CWC27: variants seen among roughly 807,000 people sequenced by gnomAD.
CWC27 encodes spliceosome-associated protein CWC27 homolog.
In CWC27, 47 loss-of-function variants were observed where a neutral mutation model predicts 63.6. The ratio of observed to expected loss-of-function variants is 0.74; its 90% CI spans 0.58 to 0.94. The LOEUF is 0.94. Among genes scored for constraint, CWC27 ranks in the 40% least tolerant of loss-of-function variants. CWC27 has a pLI of 0.00. For missense variants in CWC27, 495 were observed against 554.3 expected (o/e 0.89, Z 1.07); for synonymous variants, 175 against 179.8 (o/e 0.97, Z 0.22).
chr5:64,778,943 C>T (rs1256804843), intron 2 of CWC27, among the ~76,000 whole-genome samples: 1 of 152,096 alleles, frequency 6.6e-6, no homozygotes, highest in Non-Finnish European at 1.5e-5. Flanking sequence ...TGTTAGAATA[C>T]AGATTATAAT....
At chr5:64,805,451 A>G (rs769735122) in intron 10 of CWC27, among the ~76,000 whole-genome samples, 16 of 151,040 alleles carry the variant, frequency 1.1e-4, no homozygotes, top group Non-Finnish European at 1.8e-4. Flanking sequence ...GAGTTGAAAA[A>G]CCTCTCATTC....
intron 10 of CWC27, among the ~76,000 whole-genome samples, chr5:64,837,407 G>A (rs1437352801): frequency 1.3e-5 from 2 of 151,850 alleles, no homozygotes; most frequent in Admixed American, 1.3e-4. Flanking sequence ...CAGACCTTTT[G>A]TAGACAGTTA....
intron 10 of CWC27, among the ~76,000 whole-genome samples, chr5:64,877,037 A>G (rs1746809451): frequency 1.3e-5 from 2 of 152,156 alleles, no homozygotes; most frequent in East Asian, 3.9e-4. Context: ...TGTATAGAAG[A>G]TATTCAGCTT....
At chr5:64,778,544 AGTTT>A (rs1743541625) in intron 2 of CWC27, among the ~76,000 whole-genome samples, 1 of 152,196 alleles carries the variant, frequency 6.6e-6, no homozygotes, top group Non-Finnish European at 1.5e-5. Flanking sequence ...TGAAGATATT[AGTTT>A]GACCTCACAT....
intron 13 of CWC27, among the ~76,000 whole-genome samples, chr5:65,012,369 A>G (rs1168944299): frequency 6.6e-6 from 1 of 152,192 alleles, no homozygotes; most frequent in Non-Finnish European, 1.5e-5. Context: ...CACCACATTC[A>G]GTTATTGTAA....
intron 10 of CWC27, among the ~76,000 whole-genome samples, chr5:64,812,753 G>A (rs1744913545): frequency 6.6e-6 from 1 of 152,204 alleles, no homozygotes; most frequent in Non-Finnish European, 1.5e-5. Context: ...GAAGTGGTAG[G>A]CTCCAGGAAC....
chr5:64,843,259 G>A lies in CWC27; in HGVS notation c.938+38873G>A, dbSNP rs779189510. Among the ~76,000 whole-genome samples the A allele has an allele frequency of 8.7e-4, 132 of 152,136 alleles. 1 individual carries two copies. Among genetic ancestry groups the A allele is most frequent in the Non-Finnish European group, 1.0e-3 (69 of 67,988 alleles). On this transcript the variant is annotated intron_variant, in intron 10 of 13. Transcript: ENST00000381070. ...TACCTCTACTGTTTTCATTTATTTTGTGACTCTGAAAAGCCCACTACCATA... is the reference window on the plus strand; with the variant it reads ...TACCTCTACTGTTTTCATTTATTTTATGACTCTGAAAAGCCCACTACCATA...
chr5:64,877,621 C>G (rs1020229737), intron 10 of CWC27, among the ~76,000 whole-genome samples: 3 of 151,976 alleles, frequency 2.0e-5, no homozygotes, highest in Non-Finnish European at 4.4e-5. Context: ...AATATCCTGA[C>G]TTTACCATTA....
chr5:64,918,324 G>C (rs1000425620), intron 11 of CWC27, among the ~76,000 whole-genome samples: 2 of 152,124 alleles, frequency 1.3e-5, no homozygotes, highest in African/African-American at 2.4e-5. Flanking sequence ...ATTTCAGTTA[G>C]AGAGGAGTAA....
At chr5:64,814,025 C>T (rs947763884) in intron 10 of CWC27, among the ~76,000 whole-genome samples, 2 of 151,962 alleles carry the variant, frequency 1.3e-5, no homozygotes, top group African/African-American at 4.8e-5. Context: ...GAATGCAGCC[C>T]ATCCTGGGCT....
chr5:64,894,471 C>T (rs1747319982), intron 11 of CWC27, among the ~76,000 whole-genome samples: 1 of 152,038 alleles, frequency 6.6e-6, no homozygotes, highest in Non-Finnish European at 1.5e-5. Flanking sequence ...CCCCCCTAGG[C>T]AAACTTAGAG....
chr5:64,786,999 C>G (rs1168002047), intron 6 of CWC27, among the ~76,000 whole-genome samples: 3 of 152,130 alleles, frequency 2.0e-5, no homozygotes, highest in African/African-American at 7.2e-5. Context: ...ACCTTCTTCA[C>G]AAGGCAGCAG....
rs572957867 is a variant in CWC27, at chr5:64,866,795, G to A, written c.939-18648G>A. Among the ~76,000 whole-genome samples the A allele has an allele frequency of 3.3e-5, 5 of 152,010 alleles. No individual in the cohort carries two copies. In the South Asian group the frequency reaches 6.2e-4, roughly 19 times the overall value. On this transcript the variant is annotated intron_variant, in intron 10 of 13. Coordinates refer to ENST00000381070, the MANE Select transcript of CWC27 (RefSeq NM_005869.4). ...ATTTCAATGCTTTAAATATATTGAG[G>A]CCCATTTTATGTGTTAGAATATTGT... is the stretch of plus-strand genomic sequence containing the variant.
chr5:64,991,067 T>C (rs1749528461), intron 13 of CWC27, among the ~76,000 whole-genome samples: 1 of 152,332 alleles, frequency 6.6e-6, no homozygotes, highest in South Asian at 2.1e-4. Context: ...AAGATATCAT[T>C]GTAAGGAAGA....
At chr5:65,002,634 T>C (rs1028104956) in intron 13 of CWC27, among the ~76,000 whole-genome samples, 10 of 152,184 alleles carry the variant, frequency 6.6e-5, no homozygotes, top group Non-Finnish European at 1.2e-4. Flanking sequence ...TTTTATTCCA[T>C]TATGGTCTAA....
chr5:65,005,960 A>T (rs563051022), intron 13 of CWC27, among the ~76,000 whole-genome samples: 95 of 152,294 alleles, frequency 6.2e-4, no homozygotes, highest in African/African-American at 2.1e-3. Flanking sequence ...GCAAACCGAG[A>T]GTCATAGGAG....
chr5:65,007,531 G>A lies in CWC27; in HGVS notation c.1257-10628G>A, dbSNP rs537302865. Among the ~76,000 whole-genome samples, 7 of 152,170 alleles carry A rather than the reference G, an allele frequency of 4.6e-5. No homozygotes were observed. The South Asian group carries it at 1.0e-3, about 23-fold the overall frequency. ...TGCTAGCAGGATTGGTTTCTGGTGA[G>A]GTCTCTTTTCCAGGCTTGCAGACAG... On this transcript the variant is annotated intron_variant, in intron 13 of 13. Transcript: ENST00000381070.
At chr5:64,911,243 G>T (rs942906857) in intron 11 of CWC27, among the ~76,000 whole-genome samples, 3 of 152,034 alleles carry the variant, frequency 2.0e-5, no homozygotes, top group Admixed American at 6.5e-5. Context: ...GACCTGCTTG[G>T]ACTGTAGATT....
At chr5:64,831,678 C>G (rs1224701604) in intron 10 of CWC27, among the ~76,000 whole-genome samples, 1 of 151,816 alleles carries the variant, frequency 6.6e-6, no homozygotes, top group Non-Finnish European at 1.5e-5. Flanking sequence ...ACAATTGACT[C>G]ATGTAACAAA....
Sources: gnomAD v4.1 joint callset for allele counts (sites outside exome capture counted in the v4.1 genomes callset) on GRCh38, gnomAD v4.1.1 for gene constraint, MANE v1.5 for transcripts, NCBI Gene and HGNC (gene_info 2026-07-23, HGNC 2026-07-21) for gene names.